Variants in TG observed in about 807,000 individuals in gnomAD.
The protein encoded by TG is thyroglobulin.
Under a neutral mutation model 324.7 loss-of-function variants are expected in TG, and 270 were observed. That is an observed-to-expected ratio of 0.83 (90% CI 0.75 to 0.92). The LOEUF (loss-of-function observed/expected upper bound fraction) is 0.92, where lower values mean the gene tolerates loss of function less well. Among genes scored for constraint, TG ranks in the 40% least tolerant of loss-of-function variants. TG has a pLI of 0.00. For synonymous variants in TG, 1,401 were observed against 1,327.0 expected, an observed-to-expected ratio of 1.06 and a Z score of -1.21; for missense variants, 3,591 against 3,456.4, an observed-to-expected ratio of 1.04 and a Z score of -0.98.
At chr8:132,892,981 G>C (rs1449477508) in intron 10 of TG, among the ~76,000 whole-genome samples, 2 of 148,540 alleles carry the variant, frequency 1.3e-5, no homozygotes, top group Non-Finnish European at 3.0e-5. Context: ...GTATGTGTGT[G>C]GTTGTGTGTA....
chr8:132,905,424 G>A (rs1818536215), intron 16 of TG, among the ~76,000 whole-genome samples: 1 of 152,176 alleles, frequency 6.6e-6, no homozygotes, highest in Non-Finnish European at 1.5e-5. Context: ...TGGTTCTGGA[G>A]ATCAAAATAG....
intron 41 of TG, among the ~76,000 whole-genome samples, chr8:133,090,633 G>A (rs1847348689): frequency 6.6e-6 from 1 of 152,166 alleles, no homozygotes; most frequent in South Asian, 2.1e-4. Context: ...TCCTAATGAT[G>A]AATACAACCA....
chr8:132,890,126 C>CTT lies in TG; in HGVS notation c.2761+1565_2761+1566dup, dbSNP rs33910321. Among the ~76,000 whole-genome samples, 574 of 151,252 alleles carry CTT rather than the reference C, an allele frequency of 3.8e-3. 7 individuals carry two copies. Among genetic ancestry groups the CTT allele is most frequent in the East Asian group, 0.036 (185 of 5,158 alleles). ...TTAGAACTAGACTTAGAGTAATTGG[C>CTT]TTTTTTTTAATTGAGTAACAAGAGA... On this transcript the variant is annotated intron_variant, in intron 10 of 47. Transcript: ENST00000220616.
intron 23 of TG, among the ~76,000 whole-genome samples, chr8:132,933,109 A>G (rs1822957722): frequency 7.2e-6 from 1 of 139,760 alleles, no homozygotes; most frequent in African/African-American, 2.7e-5. Flanking sequence ...AACACTTAAC[A>G]CTGCATGAGG....
At chr8:132,974,942 C>T (rs1830013046) in intron 34 of TG, among the ~76,000 whole-genome samples, 1 of 152,108 alleles carries the variant, frequency 6.6e-6, no homozygotes, top group African/African-American at 2.4e-5. Context: ...CCTTCAGCAT[C>T]CTGTGATTTG....
chr8:132,988,064 G>GCACACACACACACACACA (rs35161639), intron 35 of TG, among the ~76,000 whole-genome samples: 2 of 134,542 alleles, frequency 1.5e-5, no homozygotes, highest in African/African-American at 5.5e-5. Context: ...ACATACACAT[G>GCACACACACACACACACA]CACACACACA....
chr8:132,935,761 A>G lies in TG; in HGVS notation c.4938A>G (p.Arg1646=). The G allele has an allele frequency of 6.2e-7, 1 of 1,612,342 alleles. No individual in the cohort carries two copies. The highest frequency in any genetic ancestry group is 8.5e-7 in the Non-Finnish European group (1 of 1,179,462). ...CAGCATCTTTCCATCTCCAGAAACG[A>G]GATGCACTGGGGAACTCAAAGGCCA... is the stretch of plus-strand genomic sequence containing the variant. The part of the protein sequence containing the change: ...NVACMTSDQK[R]DALGNSKATS... The change falls in exon 25 of 48, where the codon CGA becomes CGG. Residue 1646 remains arginine, a synonymous_variant. Coordinates refer to ENST00000220616, the MANE Select transcript of TG (RefSeq NM_003235.5).
Position 133,131,187 on chromosome 8 carries a change from A to G in TG, c.7863-625A>G, listed in dbSNP as rs529142736. ...GTGCTCACTCCATGGCCCATGTACC[A>G]GGCTCCTCAGCACCAGCTCCAGCCC... On this transcript the variant is annotated intron_variant, in intron 45 of 47. Transcript: ENST00000220616. Among the ~76,000 whole-genome samples the G allele has an allele frequency of 5.9e-5, 9 of 152,318 alleles. No individual in the cohort carries two copies. The East Asian group carries it at 1.7e-3, about 29-fold the overall frequency.
chr8:133,037,584 T>C (rs1221458362), intron 41 of TG: 2 of 152,118 alleles, frequency 1.3e-5, no homozygotes, highest in Non-Finnish European at 2.9e-5. Flanking sequence ...TGTTTATACA[T>C]TTTTTCCCTG....
chr8:132,995,507 CT>C, intron 35 of TG: 1 of 985,382 alleles, frequency 1.0e-6, no homozygotes, highest in African/African-American at 1.7e-5. Flanking sequence ...GCTGGACTCA[CT>C]TTGCTTAGAT....
At chr8:132,964,359 C>G (rs1362523484) in intron 29 of TG, among the ~76,000 whole-genome samples, 1 of 152,086 alleles carries the variant, frequency 6.6e-6, no homozygotes, top group African/African-American at 2.4e-5. Context: ...TCAGTTTTCC[C>G]TTTCTCAGTT....
intron 10 of TG, among the ~76,000 whole-genome samples, chr8:132,893,282 G>A (rs1483367287): frequency 6.9e-6 from 1 of 144,826 alleles, no homozygotes. Flanking sequence ...CGGGGGTGGT[G>A]TGTGTGTATG....
At chr8:132,962,895 A>C in intron 28 of TG, 99 bp from the exon 29 acceptor site, 1 of 1,071,188 alleles carries the variant, frequency 9.3e-7, no homozygotes, top group Non-Finnish European at 1.5e-6. Flanking sequence ...ACCTGGCTTT[A>C]GGGCCTGATT....
At chr8:133,014,413 T>G (rs910117758) in intron 37 of TG, among the ~76,000 whole-genome samples, 1 of 152,222 alleles carries the variant, frequency 6.6e-6, no homozygotes, top group African/African-American at 2.4e-5. Flanking sequence ...TGCTAAGAGC[T>G]GTAGAACAGG....
intron 14 of TG, 40 bp downstream of exon 14, chr8:132,898,950 C>T: frequency 6.5e-7 from 1 of 1,534,862 alleles, no homozygotes; most frequent in Non-Finnish European, 9.0e-7. Flanking sequence ...CGGGACTTGT[C>T]CCCGCTGGTC....
chr8:132,987,811 C>T (rs767997959), intron 35 of TG, among the ~76,000 whole-genome samples: 1 of 152,020 alleles, frequency 6.6e-6, no homozygotes, highest in African/African-American at 2.4e-5. Flanking sequence ...AAACCATTCT[C>T]TCTGGAAAGA....
At chr8:132,872,941 C>A in intron 4 of TG, 121 bp from the exon 5 acceptor site, 1 of 1,113,070 alleles carries the variant, frequency 9.0e-7, no homozygotes. Context: ...ATGAAACCGC[C>A]GAACGATGCA....
intron 35 of TG, among the ~76,000 whole-genome samples, chr8:133,008,321 C>G (rs907069215): frequency 6.6e-6 from 1 of 152,044 alleles, no homozygotes; most frequent in African/African-American, 2.4e-5. Context: ...ATGGTTTAAG[C>G]AGGATGGAGG....
intron 43 of TG, among the ~76,000 whole-genome samples, chr8:133,097,634 T>C (rs900568398): frequency 3.4e-4 from 51 of 152,226 alleles, no homozygotes; most frequent in Non-Finnish European, 2.1e-4. Flanking sequence ...TATTTGTAAG[T>C]GTGTATATTT....
Sources: allele counts gnomAD v4.1 joint callset (sites outside exome capture counted in the v4.1 genomes callset), GRCh38; gene constraint gnomAD v4.1.1; transcripts MANE v1.5; gene names NCBI Gene and HGNC (gene_info 2026-07-23, HGNC 2026-07-21).